Variants in RGS5 observed in about 807,000 individuals in gnomAD.
RGS5 encodes regulator of G-protein signalling 5.
In RGS5, 20 loss-of-function variants were observed where a neutral mutation model predicts 18.9. That is an observed-to-expected ratio of 1.06 (90% CI 0.74 to 1.54). The LOEUF (loss-of-function observed/expected upper bound fraction) is 1.54. RGS5 is among the 40% of genes most tolerant of loss of function. RGS5 has a pLI of 0.00. For synonymous variants in RGS5, 57 were observed against 76.2 expected (o/e 0.75, Z 1.31); for missense variants, 201 against 211.8 (o/e 0.95, Z 0.32).
intron 1 of RGS5, among the ~76,000 whole-genome samples, chr1:163,215,838 G>A (rs1173305895): frequency 6.6e-6 from 1 of 152,092 alleles, no homozygotes; most frequent in Non-Finnish European, 1.5e-5. Context: ...GTCAAGGTGG[G>A]AGGATCACTA....
At chr1:163,188,458 G>A (rs1365673834) in intron 1 of RGS5, among the ~76,000 whole-genome samples, 1 of 152,172 alleles carries the variant, frequency 6.6e-6, no homozygotes, top group African/African-American at 2.4e-5. Context: ...GCACAACCCA[G>A]GAACTGCTGA....
chr1:163,275,238 G>T (rs1265006240), intron 2 of RGS5, among the ~76,000 whole-genome samples: 1 of 152,096 alleles, frequency 6.6e-6, no homozygotes, highest in East Asian at 1.9e-4. Flanking sequence ...TGTATGGTAG[G>T]CTTGAGCCCA....
chr1:163,191,691 T>C (rs1449462427), intron 1 of RGS5, among the ~76,000 whole-genome samples: 5 of 152,216 alleles, frequency 3.3e-5, no homozygotes, highest in Admixed American at 6.5e-5. Context: ...ACTTGGTTTC[T>C]GACCCTGGTT....
intron 2 of RGS5, among the ~76,000 whole-genome samples, chr1:163,165,340 A>G (rs1214749284): frequency 6.6e-6 from 1 of 152,230 alleles, no homozygotes; most frequent in Non-Finnish European, 1.5e-5. Context: ...TAGGCAGGGG[A>G]AAGGGAGACA....
Position 163,260,835 on chromosome 1 carries a change from G to A in RGS5, c.-281+45398C>T, listed in dbSNP as rs368244589. Among the ~76,000 whole-genome samples, 14 of 152,130 alleles carry A rather than the reference G, an allele frequency of 9.2e-5. No individual in the cohort carries two copies. In the South Asian group the frequency reaches 2.7e-3, roughly 29 times the overall value. On this transcript the variant is annotated intron_variant, in intron 2 of 5. Transcript: ENST00000618415. ...GCTCCATGAGATCAAGAACAGTCTC[G>A]GTTTTGTTCAAAGATGTGTCCTCAA...
chr1:163,168,171 T>C lies in RGS5; in HGVS notation c.155+87A>G. 2.2e-6 allele frequency: 2 copies of C among 927,396 alleles called. 1 individual carries two copies. The highest frequency in any genetic ancestry group is 4.9e-5 in the East Asian group (2 of 41,120). The allele number at this position is 927,396 out of a possible 1,614,324, so 57.4% of individuals were successfully genotyped here. A position where few individuals can be genotyped will look rare whatever the true frequency, so the allele number is the denominator to read the frequency against. On this transcript the variant is annotated intron_variant, in intron 2 of 4. Coordinates refer to ENST00000313961, the MANE Select transcript of RGS5 (RefSeq NM_003617.4). ...ATCCTTAATGAGTAATTGAAGGGGG[T>C]AGTTCTACAGATGAGGAATGGTGCT...
At chr1:163,288,079 A>G (rs559812785) in intron 2 of RGS5, among the ~76,000 whole-genome samples, 1 of 152,272 alleles carries the variant, frequency 6.6e-6, no homozygotes, top group South Asian at 2.1e-4. Context: ...GAAATTAGAT[A>G]AATTTAAAAG....
At chr1:163,214,113 G>A (rs1276512280) in intron 1 of RGS5, among the ~76,000 whole-genome samples, 1 of 152,086 alleles carries the variant, frequency 6.6e-6, no homozygotes, top group African/African-American at 2.4e-5. Flanking sequence ...ACTAAAGTAT[G>A]ATTACTGTTG....
chr1:163,318,143 C>G lies in RGS5; in HGVS notation c.-378+3479G>C, dbSNP rs192779969. ...AAAATAAAGATAGTCCAGACAAAGT[C>G]AACAAGAATGCAAAAGGTCTCAGGT... On this transcript the variant is annotated intron_variant, in intron 1 of 5. Transcript: ENST00000618415. 2.6e-5 allele frequency among the ~76,000 whole-genome samples: 4 copies of G among 152,126 alleles called. No homozygotes were observed. In the East Asian group the frequency reaches 7.8e-4, roughly 30 times the overall value.
At chr1:163,266,100 C>T (rs562830853) in intron 2 of RGS5, among the ~76,000 whole-genome samples, 1 of 151,988 alleles carries the variant, frequency 6.6e-6, no homozygotes, top group South Asian at 2.1e-4. Context: ...TAATCTCCTA[C>T]AGCACTGCCA....
intron 2 of RGS5, among the ~76,000 whole-genome samples, chr1:163,228,482 GC>G (rs201507036): frequency 0.017 from 2,546 of 152,316 alleles, 34 homozygotes; most frequent in African/African-American, 0.023. Flanking sequence ...CAGCAAGGGG[GC>G]CCTGGACCCG....
At chr1:163,316,719 CT>C (rs1235876578) in intron 1 of RGS5, among the ~76,000 whole-genome samples, 1 of 152,164 alleles carries the variant, frequency 6.6e-6, no homozygotes, top group African/African-American at 2.4e-5. Context: ...TTTATGTCAT[CT>C]TTTTATTTCT....
chr1:163,300,166 A>G (rs17358345), intron 2 of RGS5, among the ~76,000 whole-genome samples: 16,939 of 152,296 alleles, frequency 0.11, 1,257 homozygotes, highest in South Asian at 0.21. Flanking sequence ...TGAAGTGTGA[A>G]TGATGTTAGT....
intron 2 of RGS5, among the ~76,000 whole-genome samples, chr1:163,299,159 T>G (rs1168527204): frequency 6.6e-6 from 1 of 152,166 alleles, no homozygotes; most frequent in Admixed American, 6.5e-5. Flanking sequence ...GCAGTGCAGT[T>G]TTACAACCTT....
rs1659829139 is a variant in RGS5, at chr1:163,202,789, C to T, written c.44+3G>A. 7.4e-6 allele frequency: 12 copies of T among 1,613,244 alleles called. No homozygotes were observed. In the South Asian group the frequency reaches 7.7e-5, roughly 10 times the overall value. Reference sequence around the variant, plus strand: ...TCTTAAACAAAAATAACTTGGTTCTCACCTTTCCAGGCATGAGTGGGGCAA... The same window carrying T: ...TCTTAAACAAAAATAACTTGGTTCTTACCTTTCCAGGCATGAGTGGGGCAA... On this transcript the variant is annotated splice_donor_region_variant and intron_variant, in intron 1 of 4. Coordinates refer to ENST00000313961, the MANE Select transcript of RGS5 (RefSeq NM_003617.4).
In RGS5 at chr1:163,143,922, C is replaced by T. The variant is rs1657021893; in HGVS notation, c.*3420G>A. 6.6e-6 allele frequency: 1 copy of T among 152,068 alleles called. No individual in the cohort carries two copies. The highest frequency in any genetic ancestry group is 2.1e-4 in the South Asian group (1 of 4,822). 9.4% of individuals were successfully genotyped at this position (152,068 alleles called of 1,614,324 possible). A position where few individuals can be genotyped will look rare whatever the true frequency, so the allele number is the denominator to read the frequency against. On this transcript the variant is annotated 3_prime_UTR_variant, in exon 5 of 5. Coordinates refer to ENST00000313961, the MANE Select transcript of RGS5 (RefSeq NM_003617.4). Reference sequence around the variant, plus strand: ...TTACTCTTTGGAAAATAATTAACAGCTCCATCCTATTGAAATGGCTTGTGT... The same window carrying T: ...TTACTCTTTGGAAAATAATTAACAGTTCCATCCTATTGAAATGGCTTGTGT...
At chr1:163,312,624 A>G (rs1296017983) in intron 1 of RGS5, among the ~76,000 whole-genome samples, 1 of 152,248 alleles carries the variant, frequency 6.6e-6, no homozygotes. Flanking sequence ...AGCAGAGAAT[A>G]CATTTTAAAC....
chr1:163,158,576 G>A (rs1197060998), intron 3 of RGS5, among the ~76,000 whole-genome samples: 1 of 152,132 alleles, frequency 6.6e-6, no homozygotes, highest in Non-Finnish European at 1.5e-5. Context: ...CCCCTGAGCT[G>A]TAAAACCAGC....
chr1:163,318,792 A>G (rs1013390542), intron 1 of RGS5: 1 of 152,192 alleles, frequency 6.6e-6, no homozygotes, highest in Admixed American at 6.5e-5. Context: ...GTCTAGAACA[A>G]GAAACAGTGG....
Sources: gnomAD v4.1 joint callset for allele counts (sites outside exome capture counted in the v4.1 genomes callset) on GRCh38, gnomAD v4.1.1 for gene constraint, MANE v1.5 for transcripts, NCBI Gene and HGNC (gene_info 2026-07-23, HGNC 2026-07-21) for gene names.